RBM19: variants seen among roughly 807,000 people sequenced by gnomAD.
RBM19 encodes the protein RNA binding motif protein 19.
A neutral mutation model predicts 116.8 loss-of-function variants in RBM19; 94 were observed. That is an observed-to-expected ratio of 0.80 (90% CI 0.68 to 0.95). RBM19 has a LOEUF of 0.95. Among genes scored for constraint, RBM19 ranks in the 40% least tolerant of loss-of-function variants. The pLI, the probability that RBM19 is intolerant of heterozygous loss-of-function variation, is 0.00. For synonymous variants in RBM19, 475 were observed against 494.1 expected, an observed-to-expected ratio of 0.96 and a Z score of 0.51; for missense variants, 1,161 against 1,220.7, an observed-to-expected ratio of 0.95 and a Z score of 0.73.
At chr12:113,962,669 C>G (rs1030820679) in intron 1 of RBM19, among the ~76,000 whole-genome samples, 2 of 152,222 alleles carry the variant, frequency 1.3e-5, no homozygotes, top group Non-Finnish European at 2.9e-5. Flanking sequence ...TCTTCCTACC[C>G]TATGGGGCTC....
At chr12:113,951,199 T>A (rs1871433060) in intron 8 of RBM19, among the ~76,000 whole-genome samples, 1 of 152,106 alleles carries the variant, frequency 6.6e-6, no homozygotes, top group South Asian at 2.1e-4. Flanking sequence ...CCCTAAAGCT[T>A]AAGGGGCCCA....
chr12:113,966,257 A>G lies in RBM19; in HGVS notation c.-30T>C, dbSNP rs1338632080. Reference sequence around the variant, plus strand: ...CAGGGTCCCCGCTGTTTTGATTCCAACACGACTGGTCAGCGTCTTCCACCA... The same window carrying G: ...CAGGGTCCCCGCTGTTTTGATTCCAGCACGACTGGTCAGCGTCTTCCACCA... On this transcript the variant is annotated 5_prime_UTR_variant, in exon 1 of 24. Transcript: ENST00000261741. 1 of 1,613,804 alleles carries G rather than the reference A, an allele frequency of 6.2e-7. No individual in the cohort carries two copies. Among genetic ancestry groups the G allele is most frequent in the Non-Finnish European group, 8.5e-7 (1 of 1,179,974 alleles).
At chr12:113,947,148 G>A (rs1871096597) in intron 11 of RBM19, among the ~76,000 whole-genome samples, 186 bp downstream of exon 11, 2 of 152,210 alleles carry the variant, frequency 1.3e-5, no homozygotes, top group South Asian at 2.1e-4. Context: ...AGATCAGACC[G>A]TGCCCTCACA....
intron 21 of RBM19, among the ~76,000 whole-genome samples, chr12:113,867,584 T>G (rs371447903): frequency 1.3e-5 from 2 of 152,206 alleles, no homozygotes; most frequent in Admixed American, 1.3e-4. Context: ...AATATGCATA[T>G]GTACTGCTAT....
chr12:113,831,216 A>G (rs1376203121), intron 23 of RBM19, among the ~76,000 whole-genome samples: 2 of 148,038 alleles, frequency 1.4e-5, no homozygotes, highest in Non-Finnish European at 3.0e-5. Context: ...AGGCAAAATA[A>G]AGATCTAATT....
chr12:113,880,707 C>T (rs908125031), intron 21 of RBM19, among the ~76,000 whole-genome samples: 2 of 152,146 alleles, frequency 1.3e-5, no homozygotes, highest in Non-Finnish European at 2.9e-5. Flanking sequence ...CCCAGGCTCC[C>T]TCAACCCCAT....
At chr12:113,919,859 G>A (rs564517278) in intron 19 of RBM19, among the ~76,000 whole-genome samples, 11 of 151,786 alleles carry the variant, frequency 7.2e-5, no homozygotes, top group Admixed American at 1.3e-4. Context: ...CCCAGCCATC[G>A]TCCCCTCTCC....
At chr12:113,860,095 TC>T (rs1048972422) in intron 21 of RBM19, among the ~76,000 whole-genome samples, 1 of 152,020 alleles carries the variant, frequency 6.6e-6, no homozygotes, top group African/African-American at 2.4e-5. Context: ...GCAGCTCTGC[TC>T]CCCCCTCCTG....
intron 6 of RBM19, among the ~76,000 whole-genome samples, chr12:113,955,775 T>C (rs951258015): frequency 2.0e-5 from 3 of 152,222 alleles, no homozygotes; most frequent in Admixed American, 1.3e-4. Flanking sequence ...AGCCCATATA[T>C]AGCTTATGCT....
At chr12:113,830,663 G>A (rs927814323) in intron 23 of RBM19, among the ~76,000 whole-genome samples, 10 of 151,662 alleles carry the variant, frequency 6.6e-5, no homozygotes, top group African/African-American at 2.2e-4. Flanking sequence ...AGACCTGTGC[G>A]GCTGGGAAGC....
At chr12:113,909,610 A>C (rs1002058479) in intron 21 of RBM19, among the ~76,000 whole-genome samples, 11 of 152,282 alleles carry the variant, frequency 7.2e-5, no homozygotes, top group African/African-American at 2.2e-4. Context: ...TCGGGTCTTG[A>C]CTGTGAACCT....
chr12:113,848,434 G>A (rs1264453824), intron 22 of RBM19, among the ~76,000 whole-genome samples: 1 of 152,226 alleles, frequency 6.6e-6, no homozygotes, highest in African/African-American at 2.4e-5. Flanking sequence ...GTCGCAGGCA[G>A]TGTGAGGACA....
chr12:113,876,351 G>A (rs1879667640), intron 21 of RBM19, among the ~76,000 whole-genome samples: 1 of 152,158 alleles, frequency 6.6e-6, no homozygotes, highest in African/African-American at 2.4e-5. Flanking sequence ...GTGCTTATAA[G>A]CCTCTCTCCT....
chr12:113,847,907 A>G (rs1460359429), intron 22 of RBM19, among the ~76,000 whole-genome samples: 1 of 151,756 alleles, frequency 6.6e-6, no homozygotes, highest in Non-Finnish European at 1.5e-5. Context: ...TTCCCTCTGC[A>G]CTCCTCTGAC....
intron 7 of RBM19, among the ~76,000 whole-genome samples, chr12:113,954,335 G>C (rs1871726370): frequency 6.6e-6 from 1 of 152,036 alleles, no homozygotes; most frequent in Non-Finnish European, 1.5e-5. Context: ...TAAAAACAAA[G>C]GAAAACAAAA....
chr12:113,842,124 G>C (rs953223600), intron 23 of RBM19, among the ~76,000 whole-genome samples: 1 of 152,234 alleles, frequency 6.6e-6, no homozygotes, highest in Non-Finnish European at 1.5e-5. Flanking sequence ...GGCCTGGCTG[G>C]TAAGTGGCTG....
At chr12:113,818,366 A>G (rs1330020326), downstream of RBM19, among the ~76,000 whole-genome samples, 4 of 152,204 alleles carry the variant, frequency 2.6e-5, no homozygotes, top group African/African-American at 9.6e-5. Context: ...AGGAAGAGCC[A>G]GGTGCTGGTT....
At chr12:113,965,639 G>A (rs925109425) in intron 1 of RBM19, among the ~76,000 whole-genome samples, 4 of 152,086 alleles carry the variant, frequency 2.6e-5, no homozygotes, top group African/African-American at 9.7e-5. Context: ...ACCACGTGTC[G>A]GGTTCTGCGC....
At chr12:113,851,841 A>G (rs928876155) in intron 22 of RBM19, among the ~76,000 whole-genome samples, 9 of 151,616 alleles carry the variant, frequency 5.9e-5, no homozygotes, top group Non-Finnish European at 1.5e-5. Flanking sequence ...ACTTGAGGCC[A>G]GGAGTTCGAG....
Sources: gnomAD v4.1 joint callset for allele counts (sites outside exome capture counted in the v4.1 genomes callset) on GRCh38, gnomAD v4.1.1 for gene constraint, MANE v1.5 for transcripts, NCBI Gene and HGNC (gene_info 2026-07-23, HGNC 2026-07-21) for gene names.